The following PLPPR4 variants were observed in gnomAD, a reference collection of about 807,000 sequenced individuals.
PLPPR4 encodes the protein phospholipid phosphatase related 4, also known as phospholipid phosphatase-related protein type 4.
Under a neutral mutation model 56.6 loss-of-function variants are expected in PLPPR4, and 24 were observed. The observed-to-expected ratio is 0.42, with a 90% CI of 0.31 to 0.60. PLPPR4 has a LOEUF of 0.60. PLPPR4 is among the 20% of genes least tolerant of loss of function. The probability of loss-of-function intolerance (pLI) is 0.13; values close to 1 mark genes in which losing one functional copy is unlikely to be tolerated. For synonymous variants in PLPPR4, 326 were observed against 328.1 expected, an observed-to-expected ratio of 0.99 and a Z score of 0.07; for missense variants, 654 against 885.8, an observed-to-expected ratio of 0.74 and a Z score of 3.32.
At chr1:99,269,434 T>C (rs1478412921) in intron 1 of PLPPR4, among the ~76,000 whole-genome samples, 1 of 152,264 alleles carries the variant, frequency 6.6e-6, no homozygotes, top group Non-Finnish European at 1.5e-5. Context: ...TATTTGGGCA[T>C]AGCCCAATAT....
chr1:99,295,799 T>C (rs932013893), intron 2 of PLPPR4, among the ~76,000 whole-genome samples: 2 of 151,986 alleles, frequency 1.3e-5, no homozygotes, highest in African/African-American at 4.8e-5. Flanking sequence ...GCTTGACAAG[T>C]GAAGGTGAAA....
Position 99,288,178 on chromosome 1 carries a change from A to G in PLPPR4, c.264+28A>G, listed in dbSNP as rs370787499. On this transcript the variant is annotated intron_variant, in intron 2 of 6. Coordinates refer to ENST00000370185, the MANE Select transcript of PLPPR4 (RefSeq NM_014839.5). ...AAGAATTACCCCCAAAATTGTGTTTATCTGTCCTGGAAAACTAAAAATCAC... is the reference window on the plus strand; with the variant it reads ...AAGAATTACCCCCAAAATTGTGTTTGTCTGTCCTGGAAAACTAAAAATCAC... 188 of 1,605,736 alleles carry G rather than the reference A, an allele frequency of 1.2e-4. 1 individual carries two copies. The Middle Eastern group carries it at 4.2e-3, about 36-fold the overall frequency.
chr1:99,270,374 G>A (rs563848801), intron 1 of PLPPR4, among the ~76,000 whole-genome samples: 2 of 152,146 alleles, frequency 1.3e-5, no homozygotes, highest in South Asian at 2.1e-4. Flanking sequence ...CAGTAGATAC[G>A]TTGCAGGATT....
At chr1:99,263,943 T>C (rs1218966756), upstream of PLPPR4, 1 of 153,668 alleles carries the variant, frequency 6.5e-6, no homozygotes, top group Non-Finnish European at 1.4e-5. Flanking sequence ...AGGCAGAGAA[T>C]CCCCCGTAGG....
intron 1 of PLPPR4, among the ~76,000 whole-genome samples, chr1:99,276,687 C>T (rs565468201): frequency 3.8e-4 from 58 of 152,156 alleles, no homozygotes; most frequent in African/African-American, 1.4e-3. Flanking sequence ...CTATCAAGTT[C>T]AAGATAGTTT....
intron 2 of PLPPR4, among the ~76,000 whole-genome samples, chr1:99,295,900 G>A (rs1165020063): frequency 6.6e-6 from 1 of 152,160 alleles, no homozygotes. Context: ...CTAGAGGGAA[G>A]GATAAGATGC....
At chr1:99,279,242 G>A (rs902436948) in intron 1 of PLPPR4, among the ~76,000 whole-genome samples, 4 of 152,244 alleles carry the variant, frequency 2.6e-5, no homozygotes, top group Admixed American at 1.3e-4. Flanking sequence ...CAATTGCTAT[G>A]ATCTAGACAT....
rs577013672 is a variant in PLPPR4, at chr1:99,283,822, C to G, written c.79-4143C>G. 5.2e-3 allele frequency among the ~76,000 whole-genome samples: 784 copies of G among 152,156 alleles called. 1 individual carries two copies. The highest frequency in any genetic ancestry group is 8.1e-3 in the Non-Finnish European group (550 of 67,998). Reference sequence around the variant, plus strand: ...AAAAAATTAGCCGGGTGTGGTGGCACGCTCCTGTAGTCCCAGCTACTCAGG... The same window carrying G: ...AAAAAATTAGCCGGGTGTGGTGGCAGGCTCCTGTAGTCCCAGCTACTCAGG... On this transcript the variant is annotated intron_variant, in intron 1 of 6. Coordinates refer to ENST00000370185, the MANE Select transcript of PLPPR4 (RefSeq NM_014839.5).
chr1:99,285,073 A>G (rs966410869), intron 1 of PLPPR4, among the ~76,000 whole-genome samples: 7 of 150,930 alleles, frequency 4.6e-5, no homozygotes, highest in African/African-American at 1.7e-4. Context: ...TATTATTGTT[A>G]CTGGTTATAA....
At chr1:99,267,718 A>G (rs1288957077) in intron 1 of PLPPR4, among the ~76,000 whole-genome samples, 1 of 152,184 alleles carries the variant, frequency 6.6e-6, no homozygotes, top group East Asian at 1.9e-4. Context: ...GTCTAGCTTA[A>G]GAGTTCCCAT....
chr1:99,282,742 T>C (rs1471854859), intron 1 of PLPPR4, among the ~76,000 whole-genome samples: 3 of 151,926 alleles, frequency 2.0e-5, no homozygotes, highest in Non-Finnish European at 4.4e-5. Context: ...CTTCATTTTG[T>C]ATCACTTCCT....
At chr1:99,287,712 G>T (rs1252629119) in intron 1 of PLPPR4, among the ~76,000 whole-genome samples, 1 of 152,132 alleles carries the variant, frequency 6.6e-6, no homozygotes, top group African/African-American at 2.4e-5. Context: ...AAATGAATGG[G>T]TATGGTGGGA....
chr1:99,296,076 G>A (rs1283775656), intron 2 of PLPPR4, among the ~76,000 whole-genome samples: 1 of 152,082 alleles, frequency 6.6e-6, no homozygotes, highest in African/African-American at 2.4e-5. Context: ...TCTTAAGAGA[G>A]TCCTCTTGAT....
At chr1:99,264,351 CG>C (rs1165410923), upstream of PLPPR4, 3 of 1,034,436 alleles carry the variant, frequency 2.9e-6, no homozygotes, top group Non-Finnish European at 4.0e-6. Context: ...GCCAGAAAAA[CG>C]GGGAGCAGGA....
intron 1 of PLPPR4, among the ~76,000 whole-genome samples, chr1:99,279,904 TA>T (rs1292211920): frequency 1.3e-5 from 2 of 152,220 alleles, no homozygotes; most frequent in Non-Finnish European, 2.9e-5. Context: ...CTTTGCTTTT[TA>T]GGTCTAAGTA....
At chr1:99,265,154 CCCA>C (rs1269780337) in intron 1 of PLPPR4, among the ~76,000 whole-genome samples, 6 of 144,474 alleles carry the variant, frequency 4.2e-5, no homozygotes, top group African/African-American at 1.5e-4. Flanking sequence ...GCCCCCCCCC[CCCA>C]AATCCTTCTC....
chr1:99,269,472 G>T (rs1658995863), intron 1 of PLPPR4, among the ~76,000 whole-genome samples: 1 of 152,218 alleles, frequency 6.6e-6, no homozygotes, highest in South Asian at 2.1e-4. Context: ...GTTGTCTGGG[G>T]CTAGTGCACT....
At chr1:99,300,042 A>T (rs1259100941) in intron 4 of PLPPR4, among the ~76,000 whole-genome samples, 1 of 152,028 alleles carries the variant, frequency 6.6e-6, no homozygotes, top group Non-Finnish European at 1.5e-5. Context: ...GCCTGATGTT[A>T]TGTGATTATA....
chr1:99,295,067 T>C (rs1033746088), intron 2 of PLPPR4, among the ~76,000 whole-genome samples: 2 of 152,230 alleles, frequency 1.3e-5, no homozygotes, highest in South Asian at 2.1e-4. Context: ...TATGTCTAAC[T>C]TGAAGTGCTA....
Sources: gnomAD v4.1 joint callset for allele counts (sites outside exome capture counted in the v4.1 genomes callset) on GRCh38, gnomAD v4.1.1 for gene constraint, MANE v1.5 for transcripts, NCBI Gene and HGNC (gene_info 2026-07-23, HGNC 2026-07-21) for gene names.